LUZP2: variants seen among roughly 807,000 people sequenced by gnomAD.
LUZP2 encodes the protein leucine zipper protein 2.
In LUZP2, 52 loss-of-function variants were observed where a neutral mutation model predicts 51.6. That is an observed-to-expected ratio of 1.01 (90% confidence interval 0.81 to 1.27). LUZP2 has a LOEUF of 1.27. Among genes scored for constraint, LUZP2 ranks in the 50% most tolerant of loss-of-function variants. The pLI is 0.00. For missense variants in LUZP2, 436 were observed against 395.4 expected (o/e 1.10, Z -0.87); for synonymous variants, 154 against 137.3 (o/e 1.12, Z -0.85).
intron 5 of LUZP2, among the ~76,000 whole-genome samples, chr11:24,788,309 C>A (rs1204879853): frequency 2.0e-5 from 3 of 150,828 alleles, no homozygotes; most frequent in Non-Finnish European, 4.4e-5. Flanking sequence ...CCTGCCTCAG[C>A]CTCCTGAGTA....
chr11:25,030,947 T>A (rs1324500782), intron 9 of LUZP2, among the ~76,000 whole-genome samples: 2 of 2,642 alleles, frequency 7.6e-4, no homozygotes, highest in South Asian at 0.053. Flanking sequence ...ATTATATATA[T>A]TATATATATA....
At chr11:24,536,062 C>A (rs908981479) in intron 1 of LUZP2, among the ~76,000 whole-genome samples, 5 of 151,676 alleles carry the variant, frequency 3.3e-5, no homozygotes, top group African/African-American at 1.2e-4. Context: ...TGCAAGAAAT[C>A]TTTTGTTCTG....
At chr11:25,039,832 G>A (rs1232801824) in intron 9 of LUZP2, among the ~76,000 whole-genome samples, 1 of 152,116 alleles carries the variant, frequency 6.6e-6, no homozygotes, top group East Asian at 1.9e-4. Context: ...GAAGAGAGAG[G>A]CAGGTAGAGC....
intron 9 of LUZP2, among the ~76,000 whole-genome samples, chr11:25,036,742 T>C (rs1442628286): frequency 1.3e-5 from 2 of 152,058 alleles, no homozygotes; most frequent in African/African-American, 4.8e-5. Context: ...TAATCAGGAG[T>C]ACATTGTTTA....
At chr11:24,825,955 G>A (rs11028195) in intron 5 of LUZP2, among the ~76,000 whole-genome samples, 6,837 of 151,626 alleles carry the variant, frequency 0.045, 317 homozygotes, top group East Asian at 0.13. Context: ...GGAGGCCGAG[G>A]CGGGTGGATC....
At chr11:24,633,852 T>C (rs1415887222) in intron 1 of LUZP2, among the ~76,000 whole-genome samples, 1 of 151,886 alleles carries the variant, frequency 6.6e-6, no homozygotes, top group Non-Finnish European at 1.5e-5. Context: ...TATACATTAA[T>C]TACATTCTTA....
intron 1 of LUZP2, among the ~76,000 whole-genome samples, chr11:24,685,408 C>T (rs1856867902): frequency 6.6e-6 from 1 of 152,072 alleles, no homozygotes; most frequent in South Asian, 2.1e-4. Flanking sequence ...TCATCTCTTA[C>T]CTCTACCCCA....
At chr11:24,803,469 T>C (rs1468487243) in intron 5 of LUZP2, among the ~76,000 whole-genome samples, 1 of 152,056 alleles carries the variant, frequency 6.6e-6, no homozygotes, top group Admixed American at 6.6e-5. Flanking sequence ...ATTCTAAAAA[T>C]AGAATTTCCA....
intron 7 of LUZP2, among the ~76,000 whole-genome samples, chr11:24,916,797 G>A (rs912923986): frequency 4.6e-5 from 7 of 152,228 alleles, no homozygotes; most frequent in South Asian, 2.1e-4. Flanking sequence ...ATAAACATAC[G>A]TGTGCATGTA....
At chr11:24,586,773 C>T (rs1853081223) in intron 1 of LUZP2, among the ~76,000 whole-genome samples, 1 of 151,962 alleles carries the variant, frequency 6.6e-6, no homozygotes, top group African/African-American at 2.4e-5. Flanking sequence ...CTAGGAAACC[C>T]AATTCTGTAT....
intron 1 of LUZP2, among the ~76,000 whole-genome samples, chr11:24,544,730 G>T (rs775232684): frequency 2.6e-5 from 4 of 152,030 alleles, no homozygotes; most frequent in Admixed American, 2.6e-4. Context: ...TGTGAAGAGT[G>T]CTGCAATAAG....
intron 1 of LUZP2, among the ~76,000 whole-genome samples, chr11:24,693,657 A>AT (rs1206721567): frequency 3.3e-5 from 5 of 151,932 alleles, no homozygotes; most frequent in African/African-American, 7.2e-5. Flanking sequence ...ACAAAGACTT[A>AT]TTTTTTTCTG....
At chr11:24,538,999 C>T (rs371263331) in intron 1 of LUZP2, among the ~76,000 whole-genome samples, 66 of 151,912 alleles carry the variant, frequency 4.3e-4, no homozygotes, top group African/African-American at 1.5e-3. Context: ...TATAGACAGG[C>T]ACTTACCCAC....
chr11:24,743,115 G>A (rs1859246896), intron 4 of LUZP2, among the ~76,000 whole-genome samples: 1 of 152,074 alleles, frequency 6.6e-6, no homozygotes, highest in Non-Finnish European at 1.5e-5. Context: ...TTGAAATCAG[G>A]TAGTGCAGAA....
At chr11:25,018,108 C>T (rs1857215629) in intron 9 of LUZP2, among the ~76,000 whole-genome samples, 2 of 134,388 alleles carry the variant, frequency 1.5e-5, no homozygotes, top group Non-Finnish European at 3.2e-5. Flanking sequence ...ATTTGATATT[C>T]AGCTTGGTGG....
chr11:24,796,270 C>T (rs1223131299), intron 5 of LUZP2, among the ~76,000 whole-genome samples: 1 of 151,982 alleles, frequency 6.6e-6, no homozygotes, highest in African/African-American at 2.4e-5. Flanking sequence ...ATGGGTTAGT[C>T]TTTTTGAATA....
intron 7 of LUZP2, among the ~76,000 whole-genome samples, chr11:24,948,976 C>G (rs1367234371): frequency 6.6e-6 from 1 of 151,142 alleles, no homozygotes; most frequent in African/African-American, 2.4e-5. Flanking sequence ...GTAATTCCAC[C>G]CCATAAATAT....
At chr11:24,669,954 A>C (rs1391046770) in intron 1 of LUZP2, among the ~76,000 whole-genome samples, 1 of 152,104 alleles carries the variant, frequency 6.6e-6, no homozygotes, top group African/African-American at 2.4e-5. Flanking sequence ...CTAGGCATCT[A>C]GAGATGACAA....
intron 1 of LUZP2, among the ~76,000 whole-genome samples, chr11:24,677,568 T>A (rs1035499516): frequency 6.6e-6 from 1 of 152,226 alleles, no homozygotes; most frequent in African/African-American, 2.4e-5. Context: ...TTATGTCACT[T>A]TTCTGCAACG....
Sources: gnomAD v4.1 joint callset for allele counts (sites outside exome capture counted in the v4.1 genomes callset) on GRCh38, gnomAD v4.1.1 for gene constraint, MANE v1.5 for transcripts, NCBI Gene and HGNC (gene_info 2026-07-23, HGNC 2026-07-21) for gene names.